Variants in MGAT5 observed in about 807,000 individuals in gnomAD.
MGAT5 encodes the protein alpha-1,6-mannosylglycoprotein 6-beta-N-acetylglucosaminyltransferase A.
MGAT5 carries 30 observed loss-of-function variants against 94.3 expected under a neutral mutation model. The observed-to-expected ratio is 0.32, with a 90% CI of 0.24 to 0.43. The LOEUF (loss-of-function observed/expected upper bound fraction) is 0.43, where lower values mean the gene tolerates loss of function less well. Ranked by LOEUF, MGAT5 falls within the 20% of genes least tolerant of loss-of-function variation. The pLI, the probability that MGAT5 is intolerant of heterozygous loss-of-function variation, is 1.00. For missense variants in MGAT5, 691 were observed against 905.5 expected (o/e 0.76, Z 3.04); for synonymous variants, 310 against 322.9 (o/e 0.96, Z 0.43).
intron 4 of MGAT5, among the ~76,000 whole-genome samples, chr2:134,333,135 G>T (rs116060733): frequency 6.6e-6 from 1 of 152,012 alleles, no homozygotes; most frequent in Non-Finnish European, 1.5e-5. Context: ...CACATGACAT[G>T]TATGTTTATA....
intron 10 of MGAT5, among the ~76,000 whole-genome samples, chr2:134,380,453 G>A (rs1365200607): frequency 6.6e-6 from 1 of 152,158 alleles, no homozygotes; most frequent in African/African-American, 2.4e-5. Context: ...CTGTTGTGAT[G>A]CAAGTGGAGT....
intron 1 of MGAT5, among the ~76,000 whole-genome samples, chr2:134,156,335 A>G (rs1400057771): frequency 6.6e-6 from 1 of 152,110 alleles, no homozygotes; most frequent in Admixed American, 6.5e-5. Context: ...AGTGCAAAAC[A>G]TGGCTTGTTA....
rs1427583640 is a variant in MGAT5 at position 134,381,398 on chromosome 2, A to ATTAAGATAAGATAGAT, written c.1380+18991_1380+18992insTAAGATAAGATAGATT. The stretch of plus-strand genomic sequence containing the variant: ...TAAGATAGATTAGATAGATAGATAG[A>ATTAAGATAAGATAGAT]TAGATAGATAGATAGATAGATAGAT... On this transcript the variant is annotated intron_variant, in intron 10 of 15. Coordinates refer to ENST00000281923, the MANE Select transcript of MGAT5 (RefSeq NM_002410.5). 4.1e-3 allele frequency among the ~76,000 whole-genome samples: 398 copies of ATTAAGATAAGATAGAT among 97,598 alleles called. 4 individuals carry two copies. Among genetic ancestry groups the ATTAAGATAAGATAGAT allele is most frequent in the African/African-American group, 0.015 (377 of 25,652 alleles). The allele number at this position is 97,598 out of a possible 152,430, so 64.0% of individuals were successfully genotyped here.
At chr2:134,406,474 G>C (rs1021160873) in intron 11 of MGAT5, among the ~76,000 whole-genome samples, 3 of 152,176 alleles carry the variant, frequency 2.0e-5, no homozygotes, top group Admixed American at 6.5e-5. Flanking sequence ...ACATGGGCAG[G>C]CCTGGCAAAT....
chr2:134,244,983 G>A (rs764782167), intron 1 of MGAT5, among the ~76,000 whole-genome samples: 3 of 152,108 alleles, frequency 2.0e-5, no homozygotes, highest in Non-Finnish European at 2.9e-5. Context: ...TCAGGGACCC[G>A]TGCTTTGTTT....
At chr2:134,182,128 CTT>C (rs1688761837) in intron 1 of MGAT5, among the ~76,000 whole-genome samples, 2 of 152,066 alleles carry the variant, frequency 1.3e-5, no homozygotes, top group Admixed American at 1.3e-4. Flanking sequence ...TCAGAAATAA[CTT>C]TAAAATTGAC....
intron 1 of MGAT5, among the ~76,000 whole-genome samples, chr2:134,178,857 A>G (rs1688600872): frequency 6.6e-6 from 1 of 152,182 alleles, no homozygotes; most frequent in South Asian, 2.1e-4. Flanking sequence ...ACTAACATTT[A>G]CTGAATGTTT....
chr2:134,389,064 C>G (rs1682232968), intron 10 of MGAT5, among the ~76,000 whole-genome samples: 1 of 152,134 alleles, frequency 6.6e-6, no homozygotes, highest in African/African-American at 2.4e-5. Context: ...GCCACCGCCC[C>G]CAGCCCAGGT....
At chr2:134,333,427 AC>A in intron 4 of MGAT5, among the ~76,000 whole-genome samples, 1 of 101,282 alleles carries the variant, frequency 9.9e-6, no homozygotes, top group South Asian at 3.8e-4. Flanking sequence ...CACTCTGGGG[AC>A]TGTTGTGGGG....
chr2:134,222,151 A>G (rs78977473), intron 1 of MGAT5, among the ~76,000 whole-genome samples: 2 of 152,128 alleles, frequency 1.3e-5, no homozygotes, highest in East Asian at 1.9e-4. Flanking sequence ...GTCTAAAACA[A>G]TCCTGGATCA....
intron 1 of MGAT5, among the ~76,000 whole-genome samples, chr2:134,212,947 T>C (rs1680278591): frequency 6.6e-6 from 1 of 152,242 alleles, no homozygotes; most frequent in African/African-American, 2.4e-5. Context: ...TCACTGGGCA[T>C]AGAATGCTGA....
At chr2:134,221,418 A>C (rs1269783937) in intron 1 of MGAT5, among the ~76,000 whole-genome samples, 1 of 152,200 alleles carries the variant, frequency 6.6e-6, no homozygotes, top group Non-Finnish European at 1.5e-5. Context: ...AGGATTGTGG[A>C]GACCAAGTTT....
At chr2:134,178,869 C>T (rs537639625) in intron 1 of MGAT5, among the ~76,000 whole-genome samples, 1 of 152,266 alleles carries the variant, frequency 6.6e-6, no homozygotes, top group African/African-American at 2.4e-5. Flanking sequence ...TGAATGTTTC[C>T]TGTGTGCTTT....
chr2:134,331,912 G>A (rs4487136), intron 4 of MGAT5, among the ~76,000 whole-genome samples: 150,470 of 151,908 alleles, frequency 0.99, 74,529 homozygotes, highest in East Asian at 1. Flanking sequence ...AATGAAATAA[G>A]AGAGGATACA....
chr2:134,401,350 A>G (rs1683042901), intron 10 of MGAT5, among the ~76,000 whole-genome samples: 2 of 152,150 alleles, frequency 1.3e-5, no homozygotes, highest in African/African-American at 4.8e-5. Flanking sequence ...ATCTCCCTGT[A>G]TACAGGATTC....
chr2:134,317,480 G>A lies in MGAT5; in HGVS notation c.407-49G>A, dbSNP rs146613591. The stretch of plus-strand genomic sequence containing the variant: ...CTTGGCTTACAAGAATGTTAGGCTT[G>A]TGTTTTATAGATCTCATTGTATCCT... On this transcript the variant is annotated intron_variant, in intron 2 of 15. Transcript: ENST00000281923. 85 of 1,354,346 alleles carry A rather than the reference G, an allele frequency of 6.3e-5. No homozygotes were observed. The African/African-American group carries it at 1.1e-3, about 18-fold the overall frequency. 83.9% of individuals were successfully genotyped at this position (1,354,346 alleles called of 1,614,324 possible). A position where few individuals can be genotyped will look rare whatever the true frequency, so the allele number is the denominator to read the frequency against.
At chr2:134,174,537 T>C (rs1424054333) in intron 1 of MGAT5, among the ~76,000 whole-genome samples, 2 of 152,256 alleles carry the variant, frequency 1.3e-5, no homozygotes, top group African/African-American at 4.8e-5. Flanking sequence ...TATTTTTACC[T>C]GGGTAGCACA....
At chr2:134,177,876 A>C (rs1279382687) in intron 1 of MGAT5, among the ~76,000 whole-genome samples, 1 of 152,224 alleles carries the variant, frequency 6.6e-6, no homozygotes, top group Non-Finnish European at 1.5e-5. Flanking sequence ...AGTTGAGAGT[A>C]GTGCTCGGTT....
chr2:134,287,417 G>A (rs1573708806), intron 2 of MGAT5, among the ~76,000 whole-genome samples: 1 of 152,064 alleles, frequency 6.6e-6, no homozygotes, highest in Non-Finnish European at 1.5e-5. Context: ...TTCTTTTTCA[G>A]TTTGAGTTCA....
Sources: allele counts gnomAD v4.1 joint callset (sites outside exome capture counted in the v4.1 genomes callset), GRCh38; gene constraint gnomAD v4.1.1; transcripts MANE v1.5; gene names NCBI Gene and HGNC (gene_info 2026-07-23, HGNC 2026-07-21).